Variants in HYCC2 observed in about 807,000 individuals in gnomAD.
The protein encoded by HYCC2 is hyccin PI4KA lipid kinase complex subunit 2.
At chr2:200,977,031 T>C in the HYCC2 span, 1 of 152,170 alleles carries the variant, frequency 6.6e-6, no homozygotes, top group Non-Finnish European at 1.5e-5. Flanking sequence ...TCCCAACAAA[T>C]GTATTCAACT....
At chr2:201,016,383 G>A in the HYCC2 span, among the ~76,000 whole-genome samples, 22 of 151,764 alleles carry the variant, frequency 1.4e-4, no homozygotes, top group African/African-American at 4.8e-4. Context: ...CGATGTCCTC[G>A]GCTCCAGAGA....
chr2:201,004,954 T>G, the HYCC2 span, among the ~76,000 whole-genome samples: 1 of 149,738 alleles, frequency 6.7e-6, no homozygotes, highest in Non-Finnish European at 1.5e-5. Context: ...GAGGCGGAGT[T>G]TGCACTGAGC....
the HYCC2 span, chr2:201,063,008 T>G: frequency 6.7e-7 from 1 of 1,488,732 alleles, no homozygotes; most frequent in Non-Finnish European, 9.3e-7. Context: ...ATGCATCAAG[T>G]ACTATAATAA....
At chr2:201,049,497 C>T in the HYCC2 span, among the ~76,000 whole-genome samples, 65 of 151,142 alleles carry the variant, frequency 4.3e-4, no homozygotes, top group Middle Eastern at 3.4e-3. Context: ...AATACAGGCG[C>T]GTGCCACCAC....
At chr2:200,976,786 A>G in the HYCC2 span, 1 of 152,182 alleles carries the variant, frequency 6.6e-6, no homozygotes, top group Non-Finnish European at 1.5e-5. Context: ...ACCTTTTTCA[A>G]TCATATAAGG....
At chr2:201,011,057 A>C in the HYCC2 span, among the ~76,000 whole-genome samples, 3 of 152,126 alleles carry the variant, frequency 2.0e-5, no homozygotes, top group African/African-American at 4.8e-5. Flanking sequence ...AGGCAGGAGA[A>C]TCGCTTGAAC....
the HYCC2 span, chr2:200,988,398 T>A: frequency 1.2e-6 from 2 of 1,612,808 alleles, no homozygotes; most frequent in Non-Finnish European, 1.7e-6. Flanking sequence ...CAAATGGTAA[T>A]GAGTTTTTCA....
chr2:201,017,266 T>G, the HYCC2 span: 1 of 892,766 alleles, frequency 1.1e-6, no homozygotes, highest in Non-Finnish European at 1.6e-6. Context: ...ATAATATTTT[T>G]AAAAGTCTTA....
At chr2:201,040,606 C>G in the HYCC2 span, among the ~76,000 whole-genome samples, 1 of 152,112 alleles carries the variant, frequency 6.6e-6, no homozygotes, top group South Asian at 2.1e-4. Flanking sequence ...CTGCCTCAGC[C>G]TCCGAGTAGC....
chr2:200,985,642 C>T, the HYCC2 span, among the ~76,000 whole-genome samples: 2 of 152,080 alleles, frequency 1.3e-5, no homozygotes, highest in Non-Finnish European at 2.9e-5. Flanking sequence ...GCCTGGGCGA[C>T]GTGAGTGAGA....
the HYCC2 span, chr2:201,008,982 G>A: frequency 1.2e-6 from 2 of 1,603,370 alleles, no homozygotes; most frequent in East Asian, 2.2e-5. Flanking sequence ...CCGGTTCTGT[G>A]CAGTGAATGT....
chr2:201,061,233 T>C, the HYCC2 span: 1 of 152,028 alleles, frequency 6.6e-6, no homozygotes, highest in Non-Finnish European at 1.5e-5. Context: ...GGTCAGGAGT[T>C]CGAAACCAGC....
At chr2:200,976,448 T>G in the HYCC2 span, 3 of 152,180 alleles carry the variant, frequency 2.0e-5, no homozygotes, top group Non-Finnish European at 4.4e-5. Flanking sequence ...CTACATTTTT[T>G]ATTTACAAAT....
the HYCC2 span, among the ~76,000 whole-genome samples, chr2:201,036,014 T>TG: frequency 8.6e-5 from 13 of 152,040 alleles, no homozygotes; most frequent in African/African-American, 2.2e-4. Context: ...CTGTCCCTAC[T>TG]GGGGGGGTGC....
chr2:201,032,384 CTT>C, the HYCC2 span, among the ~76,000 whole-genome samples: 4 of 152,006 alleles, frequency 2.6e-5, no homozygotes, highest in Non-Finnish European at 4.4e-5. Context: ...GAATATTAGA[CTT>C]TTGATAATAA....
the HYCC2 span, among the ~76,000 whole-genome samples, chr2:201,013,520 T>C: frequency 1.3e-5 from 2 of 149,894 alleles, no homozygotes; most frequent in Admixed American, 1.3e-4. Context: ...GCAATAATCA[T>C]CATCACCAAA....
At chr2:201,004,277 G>A in the HYCC2 span, among the ~76,000 whole-genome samples, 2 of 152,236 alleles carry the variant, frequency 1.3e-5, no homozygotes, top group African/African-American at 4.8e-5. Context: ...AGTAGGATAT[G>A]TCAATGCACA....
At chr2:200,980,004 T>C in the HYCC2 span, 1 of 152,644 alleles carries the variant, frequency 6.6e-6, no homozygotes, top group Non-Finnish European at 1.5e-5. Context: ...ACAAATTGCA[T>C]TACATTAAAC....
the HYCC2 span, chr2:200,981,436 C>A: frequency 6.2e-7 from 1 of 1,614,112 alleles, no homozygotes; most frequent in South Asian, 1.1e-5. The surrounding 1 kb of genome is among the most constrained non-coding windows in gnomAD (Gnocchi z 4.5). Context: ...TAAATTAGTA[C>A]CTCCCTCAGT....
Sources: allele counts gnomAD v4.1 joint callset (sites outside exome capture counted in the v4.1 genomes callset), GRCh38; gene constraint gnomAD v4.1.1; non-coding constraint Gnocchi (gnomAD v3.1); transcripts MANE v1.5; gene names NCBI Gene and HGNC (gene_info 2026-07-23, HGNC 2026-07-21).